AIDA: variants seen among roughly 807,000 people sequenced by gnomAD.
AIDA encodes axin interactor, dorsalization-associated protein.
Under a neutral mutation model 42.7 loss-of-function variants are expected in AIDA, and 18 were observed. The observed-to-expected ratio is 0.42, with a 90% confidence interval of 0.29 to 0.63. The LOEUF (loss-of-function observed/expected upper bound fraction) is 0.63. AIDA is among the 20% of genes least tolerant of loss of function. The pLI is 0.19. For synonymous variants in AIDA, 104 were observed against 122.9 expected (o/e 0.85, Z 1.02); for missense variants, 250 against 354.1 (o/e 0.71, Z 2.36).
At chr1:222,704,547 C>A (rs1285697633) in intron 1 of AIDA, among the ~76,000 whole-genome samples, 3 of 151,884 alleles carry the variant, frequency 2.0e-5, no homozygotes, top group African/African-American at 7.3e-5. Context: ...ATGAAAAAAG[C>A]CAGATGCAAA....
chr1:222,712,214 T>C lies in AIDA; in HGVS notation c.104A>G (p.Tyr35Cys). Residue 35 changes from tyrosine to cysteine, a missense_variant, in exon 1 of 10, where the codon TAT (tyrosine) becomes TGT (cysteine). Transcript: ENST00000340020. ...CCCGCGGTTAGTCACTCACATCTGA[T>C]ACTCGTCTATCGCCTCCACCAGCTG... Reference protein sequence around the residue: ...WGQLVEAIDEYQILARHLQKE... With the variant: ...WGQLVEAIDECQILARHLQKE... The C allele has an allele frequency of 1.9e-6, 3 of 1,601,090 alleles. No individual in the cohort carries two copies. The highest frequency in any genetic ancestry group is 1.1e-5 in the South Asian group (1 of 88,938).
At chr1:222,681,169 C>T (rs958029997) in intron 6 of AIDA, among the ~76,000 whole-genome samples, 2 of 152,178 alleles carry the variant, frequency 1.3e-5, no homozygotes, top group Admixed American at 6.5e-5. Context: ...CTGGATTTCA[C>T]GCCCTGTCCT....
chr1:222,702,226 G>C (rs915190676), intron 2 of AIDA, among the ~76,000 whole-genome samples: 7 of 152,070 alleles, frequency 4.6e-5, no homozygotes, highest in Non-Finnish European at 1.0e-4. Context: ...TAGATGAATA[G>C]ACTAAAATGG....
In AIDA at chr1:222,694,227, G is replaced by A. The variant is rs1220737314; in HGVS notation, c.217C>T (p.Arg73Ter). The A allele has an allele frequency of 2.5e-6, 4 of 1,611,422 alleles. No individual in the cohort carries two copies. Among genetic ancestry groups the A allele is most frequent in the Non-Finnish European group, 3.4e-6 (4 of 1,179,050 alleles). The change falls in exon 3 of 10, where the codon CGA becomes TGA. Residue 73 changes from arginine (R) to a stop codon, truncating the protein, a stop_gained. Coordinates refer to ENST00000340020, the MANE Select transcript of AIDA (RefSeq NM_022831.4). LOFTEE classifies it high-confidence loss of function. ...CTCCTTACCTGTAAAGCTGCACTTC[G>A]CAATTCCAAGCATGTTGCAATTTTG... ...IGKIATCLEL[R>*]SAALQSTQSQ...
chr1:222,679,102 T>C (rs1664607131), intron 6 of AIDA, among the ~76,000 whole-genome samples: 1 of 152,170 alleles, frequency 6.6e-6, no homozygotes, highest in Admixed American at 6.5e-5. Flanking sequence ...ACATGTGGCC[T>C]GAAAACATAT....
chr1:222,672,504 A>G (rs934966283), intron 8 of AIDA, among the ~76,000 whole-genome samples: 4 of 152,082 alleles, frequency 2.6e-5, no homozygotes, highest in Admixed American at 2.6e-4. Flanking sequence ...GCCCATCCCC[A>G]TGGTTTCGGA....
Position 222,699,922 on chromosome 1 carries a change from C to A in AIDA, c.180+3226G>T, listed in dbSNP as rs547609166. Among the ~76,000 whole-genome samples the A allele has an allele frequency of 4.1e-4, 62 of 152,208 alleles. No homozygotes were observed. In the Middle Eastern group the frequency reaches 0.01, roughly 25 times the overall value. ...GAGTAGCTGGGACTACAGGTGCCCG[C>A]CACCACGCTGGCTAATTTTTTGTAT... On this transcript the variant is annotated intron_variant, in intron 2 of 9. Coordinates refer to ENST00000340020, the MANE Select transcript of AIDA (RefSeq NM_022831.4).
chr1:222,697,667 G>A (rs1347845810), intron 2 of AIDA, among the ~76,000 whole-genome samples: 4 of 152,026 alleles, frequency 2.6e-5, no homozygotes, highest in South Asian at 2.1e-4. Context: ...AGGAAAAGAT[G>A]GAATAGAAAT....
chr1:222,706,657 T>A (rs1571943638), intron 1 of AIDA, among the ~76,000 whole-genome samples: 1 of 151,636 alleles, frequency 6.6e-6, no homozygotes, highest in African/African-American at 2.4e-5. Flanking sequence ...TCACTTGAGG[T>A]GAGGAGTTCG....
At chr1:222,681,503 A>C (rs1394235930) in intron 6 of AIDA, among the ~76,000 whole-genome samples, 1 of 152,154 alleles carries the variant, frequency 6.6e-6, no homozygotes, top group Non-Finnish European at 1.5e-5. Flanking sequence ...GCCTGCACTA[A>C]AAATACAAAA....
chr1:222,704,073 CAG>C (rs1655779652), intron 1 of AIDA, among the ~76,000 whole-genome samples: 1 of 152,150 alleles, frequency 6.6e-6, no homozygotes. Context: ...TATGAAAACA[CAG>C]ATCAAAATCA....
chr1:222,688,630 C>T (rs1447946890), intron 4 of AIDA, among the ~76,000 whole-genome samples: 4 of 150,162 alleles, frequency 2.7e-5, no homozygotes, highest in Admixed American at 6.6e-5. Flanking sequence ...GACAGAGTCT[C>T]GCTCCGTTGC....
intron 6 of AIDA, 105 bp from the exon 7 acceptor site, chr1:222,676,323 G>C: frequency 4.6e-6 from 6 of 1,313,190 alleles, no homozygotes; most frequent in Non-Finnish European, 6.0e-6. Context: ...TTAGTAACTA[G>C]CCAGGCATTA....
chr1:222,676,519 C>A (rs1046249087), intron 6 of AIDA, among the ~76,000 whole-genome samples: 5 of 152,340 alleles, frequency 3.3e-5, no homozygotes, highest in African/African-American at 1.2e-4. Context: ...AATAAACTCA[C>A]ATACATACAC....
chr1:222,696,856 G>A (rs143622895), intron 2 of AIDA, among the ~76,000 whole-genome samples: 61 of 152,214 alleles, frequency 4.0e-4, no homozygotes, highest in Middle Eastern at 3.4e-3. Context: ...AAGGTAAAAT[G>A]TTGTAGTTTA....
intron 4 of AIDA, among the ~76,000 whole-genome samples, chr1:222,690,660 T>C (rs1655345270): frequency 6.9e-6 from 1 of 144,362 alleles, no homozygotes; most frequent in Non-Finnish European, 1.5e-5. Context: ...ATTCTTATAT[T>C]ATAATCTATA....
chr1:222,694,255 T>C lies in AIDA; in HGVS notation c.189A>G (p.Ile63Met). 4 of 1,611,970 alleles carry C rather than the reference T, an allele frequency of 2.5e-6. No homozygotes were observed. The South Asian group carries it at 4.4e-5, about 18-fold the overall frequency. ...SEFTEEQKKT[I>M]GKIATCLELR... ...ATTCCAAGCATGTTGCAATTTTGCC[T>C]ATGGTTTTCTGCAGGGGAATAAAAA... Residue 63 changes from isoleucine (I) to methionine (M), a missense_variant, in exon 3 of 10, where the codon ATA becomes ATG. By Grantham distance (10) the Ile-to-Met change is conservative. Around this residue, in one of 4 missense-constraint regions of AIDA, gnomAD observed 199 missense variants for 232.6 expected, o/e 0.86. Transcript: ENST00000340020.
intron 6 of AIDA, among the ~76,000 whole-genome samples, chr1:222,685,845 C>T (rs566671824): frequency 6.6e-6 from 1 of 152,124 alleles, no homozygotes; most frequent in African/African-American, 2.4e-5. Flanking sequence ...CACTTTTAAC[C>T]ACCACAATTT....
In AIDA at chr1:222,676,729, C is replaced by A. The variant is rs564576216; in HGVS notation, c.461-511G>T. On this transcript the variant is annotated intron_variant, in intron 6 of 9. Coordinates refer to ENST00000340020, the MANE Select transcript of AIDA (RefSeq NM_022831.4). ...GGAGTGCAGTGGCACAATCACAGCT[C>A]ACTGCAGCCTCGACCTCCCAGGTTC... 2.0e-5 allele frequency among the ~76,000 whole-genome samples: 3 copies of A among 152,134 alleles called. No individual in the cohort carries two copies. The East Asian group carries it at 5.8e-4, about 29-fold the overall frequency.
Sources: gnomAD v4.1 joint callset for allele counts (sites outside exome capture counted in the v4.1 genomes callset) on GRCh38, gnomAD v4.1.1 for gene constraint, gnomAD v4.1.1 regional missense constraint, MANE v1.5 for transcripts, NCBI Gene and HGNC (gene_info 2026-07-23, HGNC 2026-07-21) for gene names.